The following PDE3A variants were observed in gnomAD, a reference collection of about 807,000 sequenced individuals.
PDE3A encodes the protein phosphodiesterase 3A, also known as cGMP-inhibited 3',5'-cyclic phosphodiesterase 3A.
PDE3A carries 43 observed loss-of-function variants against 98.3 expected under a neutral mutation model. The observed-to-expected ratio is 0.44, with a 90% CI of 0.34 to 0.56. PDE3A has a LOEUF of 0.56. Ranked by LOEUF, PDE3A falls within the 20% of genes least tolerant of loss-of-function variation. The pLI is 0.01. For missense variants in PDE3A, 1,427 were observed against 1,440.7 expected (o/e 0.99, Z 0.15); for synonymous variants, 663 against 567.9 (o/e 1.17, Z -2.38).
At chr12:20,445,414 G>C (rs1394504030) in intron 1 of PDE3A, among the ~76,000 whole-genome samples, 1 of 152,058 alleles carries the variant, frequency 6.6e-6, no homozygotes, top group African/African-American at 2.4e-5. Context: ...TAACTGTAAG[G>C]CTTTTCCAAA....
chr12:20,650,212 G>A (rs1426610669), intron 13 of PDE3A, among the ~76,000 whole-genome samples: 1 of 151,376 alleles, frequency 6.6e-6, no homozygotes, highest in Non-Finnish European at 1.5e-5. Context: ...CACTCACCCT[G>A]TCACCCATTA....
At chr12:20,595,849 T>C (rs1943454017) in intron 2 of PDE3A, among the ~76,000 whole-genome samples, 1 of 152,130 alleles carries the variant, frequency 6.6e-6, no homozygotes. Context: ...AATTAAAGCA[T>C]TGCCACCCTA....
At chr12:20,376,473 A>AAAT (rs1252754008) in intron 1 of PDE3A, among the ~76,000 whole-genome samples, 1 of 151,970 alleles carries the variant, frequency 6.6e-6, no homozygotes, top group Non-Finnish European at 1.5e-5. Flanking sequence ...TCAGATGTGT[A>AAAT]AATAACACAA....
At chr12:20,487,674 A>T (rs1281960417) in intron 1 of PDE3A, among the ~76,000 whole-genome samples, 4 of 149,118 alleles carry the variant, frequency 2.7e-5, no homozygotes, top group South Asian at 2.1e-4. Context: ...ATAAATAAAT[A>T]AAAAAAGTGG....
intron 2 of PDE3A, among the ~76,000 whole-genome samples, chr12:20,582,554 T>C (rs1159040000): frequency 6.6e-6 from 1 of 152,106 alleles, no homozygotes; most frequent in African/African-American, 2.4e-5. Context: ...AATAAAATTA[T>C]AGTGATAAAT....
intron 1 of PDE3A, among the ~76,000 whole-genome samples, chr12:20,415,909 A>G (rs897854181): frequency 2.6e-5 from 4 of 152,172 alleles, no homozygotes; most frequent in Admixed American, 2.6e-4. Context: ...ACTTGGACAC[A>G]TACTAGGTTG....
intron 1 of PDE3A, among the ~76,000 whole-genome samples, chr12:20,511,395 C>A (rs79929313): frequency 6.8e-6 from 1 of 146,610 alleles, no homozygotes; most frequent in African/African-American, 2.5e-5. Flanking sequence ...TTTTAGTGCC[C>A]ATAAATTAGG....
At chr12:20,620,423 TC>T (rs899913394) in intron 4 of PDE3A, among the ~76,000 whole-genome samples, 2 of 152,078 alleles carry the variant, frequency 1.3e-5, no homozygotes, top group African/African-American at 4.8e-5. Context: ...TCCAAGATTG[TC>T]AACACAACTT....
chr12:20,533,051 T>A (rs1318385464), intron 1 of PDE3A, among the ~76,000 whole-genome samples: 1 of 152,202 alleles, frequency 6.6e-6, no homozygotes, highest in African/African-American at 2.4e-5. Flanking sequence ...TTGAGATAAC[T>A]TTCAAACATA....
intron 1 of PDE3A, among the ~76,000 whole-genome samples, chr12:20,548,572 C>T (rs1296370294): frequency 6.6e-6 from 1 of 152,044 alleles, no homozygotes; most frequent in East Asian, 1.9e-4. Context: ...CTTTATGTAA[C>T]TAATCTTAAA....
rs949621310 is a variant in PDE3A, at chr12:20,525,139, AAAG to A, written c.961-31516_961-31514del. Among the ~76,000 whole-genome samples, 22 of 152,220 alleles carry A rather than the reference AAAG, an allele frequency of 1.4e-4. 1 individual carries two copies. Among genetic ancestry groups the A allele is most frequent in the African/African-American group, 5.1e-4 (21 of 41,542 alleles). Reference sequence around the variant, plus strand: ...AGAGTGAAACTCTGTCTCCAACAAAAAAGAAGATGGAGCTACATTACTGCTCCG... The same window carrying A: ...AGAGTGAAACTCTGTCTCCAACAAAAAAGATGGAGCTACATTACTGCTCCG... On this transcript the variant is annotated intron_variant, in intron 1 of 15. Transcript: ENST00000359062.
chr12:20,566,182 A>G (rs1942650036), intron 2 of PDE3A, among the ~76,000 whole-genome samples: 1 of 151,846 alleles, frequency 6.6e-6, no homozygotes, highest in African/African-American at 2.4e-5. Flanking sequence ...AGATCACAGA[A>G]CTTTGTTTTT....
chr12:20,416,218 G>A (rs1944419290), intron 1 of PDE3A, among the ~76,000 whole-genome samples: 1 of 152,194 alleles, frequency 6.6e-6, no homozygotes, highest in Non-Finnish European at 1.5e-5. Flanking sequence ...GAAAGCATAT[G>A]TGACTTTAAA....
At chr12:20,576,201 T>C in intron 2 of PDE3A, among the ~76,000 whole-genome samples, 1 of 152,196 alleles carries the variant, frequency 6.6e-6, no homozygotes, top group Admixed American at 6.5e-5. Flanking sequence ...TTTGCATTTT[T>C]ATTATACTAA....
At chr12:20,657,469 G>A (rs1945069306) in intron 15 of PDE3A, among the ~76,000 whole-genome samples, 1 of 152,158 alleles carries the variant, frequency 6.6e-6, no homozygotes, top group African/African-American at 2.4e-5. Flanking sequence ...ACTTGGAGAT[G>A]TCCCAGGAAA....
At chr12:20,451,457 A>G (rs2120887964) in intron 1 of PDE3A, among the ~76,000 whole-genome samples, 1 of 152,136 alleles carries the variant, frequency 6.6e-6, no homozygotes, top group South Asian at 2.1e-4. Context: ...TATCTTTAGT[A>G]GAGACAGGGT....
intron 1 of PDE3A, among the ~76,000 whole-genome samples, chr12:20,413,457 G>A (rs7310698): frequency 0.62 from 93,684 of 151,510 alleles, 30,655 homozygotes; most frequent in East Asian, 0.88. Context: ...CACTGGCCCA[G>A]CAAGAAACAG....
intron 1 of PDE3A, among the ~76,000 whole-genome samples, chr12:20,412,509 T>C (rs1290588370): frequency 6.6e-6 from 1 of 152,122 alleles, no homozygotes; most frequent in African/African-American, 2.4e-5. Context: ...AATGTATCCA[T>C]AGGCAATTGT....
At chr12:20,478,035 T>C (rs1945559081) in intron 1 of PDE3A, among the ~76,000 whole-genome samples, 1 of 152,204 alleles carries the variant, frequency 6.6e-6, no homozygotes, top group Non-Finnish European at 1.5e-5. Flanking sequence ...AAATAAAATG[T>C]GTAAGGCTTT....
Sources: gnomAD v4.1 joint callset for allele counts (sites outside exome capture counted in the v4.1 genomes callset) on GRCh38, gnomAD v4.1.1 for gene constraint, MANE v1.5 for transcripts, NCBI Gene and HGNC (gene_info 2026-07-23, HGNC 2026-07-21) for gene names.